Variants in CCAR1 observed in about 807,000 individuals in gnomAD.
CCAR1 encodes cell division cycle and apoptosis regulator 1.
CCAR1 carries 78 observed loss-of-function variants against 163.8 expected under a neutral mutation model. The ratio of observed to expected loss-of-function variants is 0.48; its 90% CI spans 0.40 to 0.57. The LOEUF is 0.57. Ranked by LOEUF, CCAR1 falls within the 20% of genes least tolerant of loss-of-function variation. The pLI is 0.00. For missense variants in CCAR1, 1,019 were observed against 1,365.2 expected, an observed-to-expected ratio of 0.75 and a Z score of 4.00; for synonymous variants, 443 against 460.7, an observed-to-expected ratio of 0.96 and a Z score of 0.49.
intron 10 of CCAR1, among the ~76,000 whole-genome samples, chr10:68,751,210 A>G (rs2056326110): frequency 6.6e-6 from 1 of 151,810 alleles, no homozygotes; most frequent in South Asian, 2.1e-4. Flanking sequence ...TATTTTTAGT[A>G]GAAACAGGGT....
Position 68,768,597 on chromosome 10 carries a change from C to T in CCAR1, c.2298+2518C>T, listed in dbSNP as rs201966489. 2.2e-4 allele frequency among the ~76,000 whole-genome samples: 33 copies of T among 152,088 alleles called. No individual in the cohort carries two copies. In the East Asian group the frequency reaches 2.9e-3, roughly 13 times the overall value. On this transcript the variant is annotated intron_variant, in intron 17 of 24. Transcript: ENST00000265872. ...CTGCACTGCAGCCTGGGCAACAGAG[C>T]GAGACTTTGTCTCAAAAAATAAAAA...
intron 2 of CCAR1, among the ~76,000 whole-genome samples, chr10:68,733,757 G>A (rs1338993609): frequency 2.0e-5 from 3 of 152,056 alleles, no homozygotes; most frequent in Admixed American, 2.0e-4. Context: ...TATACCTCCC[G>A]GGTTCAAGTG....
At chr10:68,766,771 C>T (rs373692570) in intron 17 of CCAR1, among the ~76,000 whole-genome samples, 3 of 152,014 alleles carry the variant, frequency 2.0e-5, no homozygotes, top group Admixed American at 2.0e-4. Flanking sequence ...GTGATCTGCC[C>T]GCCTCAGCCT....
intron 2 of CCAR1, among the ~76,000 whole-genome samples, chr10:68,732,405 A>G (rs968898070): frequency 2.6e-5 from 4 of 152,056 alleles, no homozygotes; most frequent in African/African-American, 9.7e-5. Flanking sequence ...GCTGTAGTGC[A>G]GTGGCGCCAT....
intron 19 of CCAR1, among the ~76,000 whole-genome samples, chr10:68,777,431 A>G (rs909236658): frequency 3.3e-4 from 50 of 152,284 alleles, no homozygotes; most frequent in African/African-American, 1.0e-3. Context: ...CTGTAATCTC[A>G]GCACTTTGTG....
chr10:68,761,830 G>T (rs2056475095), intron 16 of CCAR1, among the ~76,000 whole-genome samples: 1 of 151,122 alleles, frequency 6.6e-6, no homozygotes, highest in East Asian at 2.0e-4. Context: ...TCGAACTCCT[G>T]ACCTCAGGTG....
chr10:68,729,699 T>C (rs1479701633), intron 2 of CCAR1, among the ~76,000 whole-genome samples: 1 of 77,814 alleles, frequency 1.3e-5, no homozygotes, highest in Non-Finnish European at 2.9e-5. Flanking sequence ...CAAAACTCCG[T>C]CTTAAAAAAA....
intron 19 of CCAR1, among the ~76,000 whole-genome samples, chr10:68,775,687 CTTTTTTTTTTTTTTT>C (rs71028782): frequency 5.8e-5 from 3 of 51,762 alleles, no homozygotes; most frequent in African/African-American, 8.5e-5. Flanking sequence ...TTTTTCTTTT[CTTTTTTTTTTTTTTT>C]TTTTTTTTTT....
At chr10:68,745,017 T>G (rs1212974285) in intron 6 of CCAR1, among the ~76,000 whole-genome samples, 1 of 152,030 alleles carries the variant, frequency 6.6e-6, no homozygotes, top group Non-Finnish European at 1.5e-5. Context: ...TTAATTAATT[T>G]TTTTTGAGAC....
At chr10:68,790,850 G>A (rs1389851259) in intron 24 of CCAR1, among the ~76,000 whole-genome samples, 1 of 149,030 alleles carries the variant, frequency 6.7e-6, no homozygotes, top group Non-Finnish European at 1.5e-5. Flanking sequence ...TAAAAAAACT[G>A]CGAGACTCTG....
At chr10:68,751,763 C>G (rs986739967) in intron 10 of CCAR1, among the ~76,000 whole-genome samples, 2 of 151,390 alleles carry the variant, frequency 1.3e-5, no homozygotes, top group African/African-American at 4.9e-5. Context: ...TCTTGGGAGG[C>G]TGAGGCAGGA....
intron 2 of CCAR1, among the ~76,000 whole-genome samples, chr10:68,730,196 A>C (rs983020373): frequency 1.3e-5 from 2 of 152,068 alleles, no homozygotes; most frequent in African/African-American, 4.8e-5. Context: ...CTGGGATTAC[A>C]GGCGTGAGCT....
chr10:68,772,380 G>T (rs998700472), intron 18 of CCAR1, among the ~76,000 whole-genome samples: 1 of 151,996 alleles, frequency 6.6e-6, no homozygotes, highest in Non-Finnish European at 1.5e-5. Flanking sequence ...CTACTTGGGA[G>T]GGTGAGGCAG....
intron 2 of CCAR1, among the ~76,000 whole-genome samples, chr10:68,724,418 T>C (rs1480132264): frequency 6.6e-6 from 1 of 152,036 alleles, no homozygotes; most frequent in South Asian, 2.1e-4. Context: ...TGAGCTGATA[T>C]CGCAACGCTA....
chr10:68,728,296 T>G (rs2055977831), intron 2 of CCAR1, among the ~76,000 whole-genome samples: 2 of 148,784 alleles, frequency 1.3e-5, no homozygotes, highest in Non-Finnish European at 3.0e-5. Flanking sequence ...CATTTCATTT[T>G]TTGATTTTTT....
intron 19 of CCAR1, chr10:68,774,982 G>A (rs770818502): frequency 5.9e-5 from 22 of 373,376 alleles, no homozygotes; most frequent in South Asian, 1.2e-4. Context: ...TTTTATTTAC[G>A]GTATATTTTG....
In CCAR1 at chr10:68,737,860, C is replaced by G; in HGVS notation, c.262C>G (p.Gln88Glu). ...AALQQQYSQP[Q>E]QALYSVQQQL... Reference sequence around the variant, plus strand: ...AATCTTTCAGCAATATTCACAACCTCAGCAGGCCCTGTATAGTGTGCAACA... The same window carrying G: ...AATCTTTCAGCAATATTCACAACCTGAGCAGGCCCTGTATAGTGTGCAACA... Residue 88 changes from glutamine to glutamate, a missense_variant, in exon 4 of 25, where the codon CAG (glutamine) becomes GAG (glutamate). By Grantham distance (29) the Gln-to-Glu change is conservative (BLOSUM62 2). Coordinates refer to ENST00000265872, the MANE Select transcript of CCAR1 (RefSeq NM_018237.4). The G allele has an allele frequency of 6.3e-7, 1 of 1,594,096 alleles. No homozygotes were observed. The highest frequency in any genetic ancestry group is 8.5e-7 in the Non-Finnish European group (1 of 1,173,234).
Position 68,788,217 on chromosome 10 carries a change from G to T in CCAR1, c.3076G>T (p.Val1026Leu). The T allele has an allele frequency of 6.2e-7, 1 of 1,602,794 alleles. No homozygotes were observed. The highest frequency in any genetic ancestry group is 8.5e-7 in the Non-Finnish European group (1 of 1,176,124). The change falls in exon 23 of 25, where the codon GTG becomes TTG. Residue 1026 changes from valine (V) to leucine (L), a missense_variant. Val to Leu is a conservative substitution (Grantham distance 32). Coordinates refer to ENST00000265872, the MANE Select transcript of CCAR1 (RefSeq NM_018237.4). ...KDVEENVGLIVYNGAMVDVGS... is the reference protein window; with the variant it reads ...KDVEENVGLILYNGAMVDVGS... ...TGTGGAAGAAAATGTTGGCCTCATTGTGTACAATGGTGCAATGGTAGATGT... is the reference window on the plus strand; with the variant it reads ...TGTGGAAGAAAATGTTGGCCTCATTTTGTACAATGGTGCAATGGTAGATGT...
At chr10:68,741,527 T>C (rs2056184389) in intron 5 of CCAR1, among the ~76,000 whole-genome samples, 1 of 152,248 alleles carries the variant, frequency 6.6e-6, no homozygotes, top group South Asian at 2.1e-4. Flanking sequence ...CTTTGGCCCA[T>C]GGGTCATAGT....
Sources: allele counts gnomAD v4.1 joint callset (sites outside exome capture counted in the v4.1 genomes callset), GRCh38; gene constraint gnomAD v4.1.1; transcripts MANE v1.5; gene names NCBI Gene and HGNC (gene_info 2026-07-23, HGNC 2026-07-21).